Variants in PDZD2 observed in about 807,000 individuals in gnomAD.
PDZD2 encodes the protein PDZ domain containing 2.
PDZD2 carries 90 observed loss-of-function variants against 220.7 expected under a neutral mutation model. The ratio of observed to expected loss-of-function variants is 0.41; its 90% CI spans 0.34 to 0.49. The LOEUF (loss-of-function observed/expected upper bound fraction) is 0.49. Ranked by LOEUF, PDZD2 falls within the 20% of genes least tolerant of loss-of-function variation. The pLI, the probability that PDZD2 is intolerant of heterozygous loss-of-function variation, is 0.28. For missense variants in PDZD2, 3,174 were observed against 3,608.5 expected (o/e 0.88, Z 3.08); for synonymous variants, 1,375 against 1,450.5 (o/e 0.95, Z 1.18).
intron 1 of PDZD2, among the ~76,000 whole-genome samples, chr5:31,675,521 T>C (rs3101888): frequency 0.1 from 15,455 of 152,190 alleles, 821 homozygotes; most frequent in East Asian, 0.15. Flanking sequence ...CTAGGCATTG[T>C]ACTAAGCACT....
intron 5 of PDZD2, among the ~76,000 whole-genome samples, chr5:32,005,266 T>C (rs1424321835): frequency 6.6e-6 from 1 of 152,234 alleles, no homozygotes; most frequent in Non-Finnish European, 1.5e-5. Context: ...TGCAAAACTT[T>C]AAGGCATTGT....
chr5:31,964,816 C>G (rs562725860), intron 2 of PDZD2, among the ~76,000 whole-genome samples: 1 of 152,142 alleles, frequency 6.6e-6, no homozygotes, highest in Non-Finnish European at 1.5e-5. Flanking sequence ...CCCGGGTTCA[C>G]GCCATTCTCC....
intron 1 of PDZD2, among the ~76,000 whole-genome samples, chr5:31,745,843 A>G (rs1489072391): frequency 2.0e-5 from 3 of 149,394 alleles, no homozygotes; most frequent in South Asian, 2.1e-4. Flanking sequence ...ATTAAGAAAT[A>G]ATGGGTCTGT....
chr5:32,028,672 T>G (rs1405718924), intron 6 of PDZD2, among the ~76,000 whole-genome samples: 4 of 103,020 alleles, frequency 3.9e-5, no homozygotes, highest in African/African-American at 7.3e-5. Flanking sequence ...ATTTTTTTTT[T>G]TTGTTTTTTT....
chr5:31,981,264 T>G (rs1359557549), intron 2 of PDZD2, among the ~76,000 whole-genome samples: 3 of 152,164 alleles, frequency 2.0e-5, no homozygotes, highest in Non-Finnish European at 4.4e-5. Flanking sequence ...CCTTTTTTGT[T>G]GTTGTTGTTC....
At chr5:31,784,189 A>C (rs569101393) in intron 1 of PDZD2, among the ~76,000 whole-genome samples, 18 of 152,270 alleles carry the variant, frequency 1.2e-4, no homozygotes, top group African/African-American at 4.3e-4. Context: ...CACCATTCTG[A>C]GCGCATCAAA....
intron 2 of PDZD2, among the ~76,000 whole-genome samples, chr5:31,897,644 T>C (rs1741688689): frequency 6.6e-6 from 1 of 152,074 alleles, no homozygotes; most frequent in African/African-American, 2.4e-5. Flanking sequence ...GCAGAAAGTT[T>C]CCAACAACCA....
intron 1 of PDZD2, among the ~76,000 whole-genome samples, chr5:31,769,376 C>A (rs935857433): frequency 3.3e-5 from 5 of 152,218 alleles, no homozygotes; most frequent in African/African-American, 1.2e-4. Context: ...AATCCTAGTG[C>A]CAGAATTTCT....
intron 2 of PDZD2, among the ~76,000 whole-genome samples, chr5:31,803,935 A>G (rs985578372): frequency 6.6e-6 from 1 of 151,490 alleles, no homozygotes; most frequent in African/African-American, 2.4e-5. Context: ...GCTACTCGAG[A>G]GGCTGAGGTG....
At chr5:31,783,326 C>T (rs1753167722) in intron 1 of PDZD2, among the ~76,000 whole-genome samples, 1 of 151,976 alleles carries the variant, frequency 6.6e-6, no homozygotes, top group African/African-American at 2.4e-5. Flanking sequence ...TGGAGAGAGC[C>T]TTGGAGAACA....
At chr5:32,095,544 G>A (rs1743587754) in intron 21 of PDZD2, among the ~76,000 whole-genome samples, 1 of 152,134 alleles carries the variant, frequency 6.6e-6, no homozygotes, top group Non-Finnish European at 1.5e-5. Context: ...ACCTTGGAGA[G>A]CTCTTGATGG....
At chr5:32,086,261 C>T (rs537260934) in intron 19 of PDZD2, among the ~76,000 whole-genome samples, 15 of 152,320 alleles carry the variant, frequency 9.8e-5, no homozygotes, top group Non-Finnish European at 2.1e-4. Context: ...GTGAGCCAAA[C>T]CCACACACCA....
rs777961961 is a variant in PDZD2 at position 32,074,544 on chromosome 5, T to G, written c.3438T>G (p.Thr1146=). The G allele has an allele frequency of 2.5e-6, 4 of 1,614,004 alleles. No individual in the cohort carries two copies. Among genetic ancestry groups the G allele is most frequent in the Middle Eastern group, 1.6e-4 (1 of 6,084 alleles). ...KPSGSQTVNL[T]GRANDPCDLD... ...GTGGCTCACAGACAGTGAACCTGAC[T>G]GGCAGAGCCAATGATCCATGCGATC... The change falls in exon 18 of 25, where the codon ACT becomes ACG. Residue 1146 remains threonine, a synonymous_variant. Transcript: ENST00000438447.
At chr5:31,891,304 T>C (rs962301533) in intron 2 of PDZD2, among the ~76,000 whole-genome samples, 1 of 151,586 alleles carries the variant, frequency 6.6e-6, no homozygotes, top group African/African-American at 2.4e-5. Flanking sequence ...GCCCGGCTAA[T>C]TTTTGTATTT....
At chr5:31,939,384 G>A (rs1215819093) in intron 2 of PDZD2, among the ~76,000 whole-genome samples, 6 of 152,210 alleles carry the variant, frequency 3.9e-5, no homozygotes, top group African/African-American at 1.4e-4. Flanking sequence ...GACTCCCCAG[G>A]CCAAGGGGCA....
At position 31,863,881 on chromosome 5, in the gene PDZD2, A is replaced by T. The variant is rs186659492; in HGVS notation, c.476+64157A>T. Among the ~76,000 whole-genome samples, 1,267 of 152,276 alleles carry T rather than the reference A, an allele frequency of 8.3e-3. 6 individuals are homozygous for T. The highest frequency in any genetic ancestry group is 0.02 in the Middle Eastern group (6 of 294). On this transcript the variant is annotated intron_variant, in intron 2 of 24. Transcript: ENST00000438447. Reference sequence around the variant, plus strand: ...CCTTTTGTAGAACAAATAATTTTTTAAAAAAAGTCATAAGACATTTGTCCC... The same window carrying T: ...CCTTTTGTAGAACAAATAATTTTTTTAAAAAAGTCATAAGACATTTGTCCC...
intron 2 of PDZD2, among the ~76,000 whole-genome samples, chr5:31,941,300 A>G (rs1367490940): frequency 1.3e-5 from 2 of 152,158 alleles, no homozygotes; most frequent in Non-Finnish European, 2.9e-5. Flanking sequence ...CAACACTTTG[A>G]CTTCAGTTCC....
At chr5:31,922,314 T>A (rs1463499657) in intron 2 of PDZD2, among the ~76,000 whole-genome samples, 7 of 152,220 alleles carry the variant, frequency 4.6e-5, no homozygotes, top group Admixed American at 4.6e-4. Context: ...AAACATGTCA[T>A]TGAGCGTAAT....
chr5:32,090,497 G>A lies in PDZD2; in HGVS notation c.7049G>A (p.Arg2350Gln), dbSNP rs150231394. The A allele has an allele frequency of 9.9e-6, 16 of 1,613,898 alleles. No individual in the cohort carries two copies. The highest frequency in any genetic ancestry group is 1.6e-4 in the Middle Eastern group (1 of 6,084). Reference sequence around the variant, plus strand: ...TTTGAGAACCTGGCCAATGCTGACCGGCCTGTAGCCAAGTCCGGGGCTTCC... The same window carrying A: ...TTTGAGAACCTGGCCAATGCTGACCAGCCTGTAGCCAAGTCCGGGGCTTCC... ...KSFENLANADRPVAKSGASPF... is the reference protein window; with the variant it reads ...KSFENLANADQPVAKSGASPF... The change falls in exon 20 of 25, where the codon CGG becomes CAG. Residue 2350 changes from arginine (R) to glutamine (Q), a missense_variant. Physicochemically the swap from Arg to Gln is conservative, Grantham distance 43 (BLOSUM62 1). This residue lies in a region of PDZD2 where 631 missense variants were observed against 789.9 expected (regional missense o/e 0.80). Coordinates refer to ENST00000438447, the MANE Select transcript of PDZD2 (RefSeq NM_178140.4). This position sits in a 1 kb window ranked among gnomAD's most constrained non-coding sequence, Gnocchi z 4.3.
Sources: allele counts gnomAD v4.1 joint callset (sites outside exome capture counted in the v4.1 genomes callset), GRCh38; gene constraint gnomAD v4.1.1; regional missense constraint gnomAD v4.1.1; non-coding constraint Gnocchi (gnomAD v3.1); transcripts MANE v1.5; gene names NCBI Gene and HGNC (gene_info 2026-07-23, HGNC 2026-07-21).